Variants in ERBIN observed in about 807,000 individuals in gnomAD.
ERBIN encodes erbb2 interacting protein.
In ERBIN, 60 loss-of-function variants were observed where a neutral mutation model predicts 158.4. The ratio of observed to expected loss-of-function variants is 0.38; its 90% CI spans 0.31 to 0.47. The LOEUF (loss-of-function observed/expected upper bound fraction) is 0.47, where lower values mean the gene tolerates loss of function less well. Among genes scored for constraint, ERBIN ranks in the 20% least tolerant of loss-of-function variants. The pLI is 0.99. For missense variants in ERBIN, 1,610 were observed against 1,648.0 expected (o/e 0.98, Z 0.40); for synonymous variants, 594 against 557.2 (o/e 1.07, Z -0.93).
At chr5:66,062,504 G>C (rs982643716) in intron 21 of ERBIN, among the ~76,000 whole-genome samples, 1 of 151,868 alleles carries the variant, frequency 6.6e-6, no homozygotes, top group Admixed American at 6.5e-5. Context: ...CCTTTAGCTC[G>C]GAGTAGTTTG....
chr5:66,036,538 T>A (rs765643901), intron 14 of ERBIN, among the ~76,000 whole-genome samples: 1 of 152,198 alleles, frequency 6.6e-6, no homozygotes, highest in African/African-American at 2.4e-5. Flanking sequence ...GTAAGTGAAT[T>A]TCTCCTCCTG....
Position 66,053,889 on chromosome 5 carries a change from C to G in ERBIN, c.2571C>G (p.Ser857=), listed in dbSNP as rs1428916326. The G allele has an allele frequency of 6.2e-7, 1 of 1,614,000 alleles. No homozygotes were observed. Among genetic ancestry groups the G allele is most frequent in the Non-Finnish European group, 8.5e-7 (1 of 1,179,998 alleles). The change falls in exon 21 of 26, where the codon TCC becomes TCG. Residue 857 remains serine, a synonymous_variant. Transcript: ENST00000284037. Reference sequence around the variant, plus strand: ...TTTCCAAAAGCACTGAAGATCTCTCCCCTCAGAAAAGTGGTCCAGTTGGAT... The same window carrying G: ...TTTCCAAAAGCACTGAAGATCTCTCGCCTCAGAAAAGTGGTCCAGTTGGAT... The part of the protein sequence containing the change: ...LGISKSTEDL[S]PQKSGPVGSV...
chr5:65,958,983 G>A (rs1415572800), intron 1 of ERBIN, among the ~76,000 whole-genome samples: 1 of 151,986 alleles, frequency 6.6e-6, no homozygotes, highest in Non-Finnish European at 1.5e-5. Context: ...ATATTTCATC[G>A]GCATGTAACC....
intron 1 of ERBIN, among the ~76,000 whole-genome samples, chr5:65,975,156 T>A (rs1055019413): frequency 6.6e-6 from 1 of 150,814 alleles, no homozygotes; most frequent in Admixed American, 6.6e-5. Context: ...TACAGGCATG[T>A]GCCACGATGC....
intron 1 of ERBIN, among the ~76,000 whole-genome samples, chr5:65,972,580 A>G (rs562876899): frequency 6.6e-6 from 1 of 151,486 alleles, no homozygotes; most frequent in South Asian, 2.1e-4. Context: ...AGAAGCTTAA[A>G]TTTTTGTTTT....
rs1270451934 is a variant in ERBIN, at chr5:65,939,808, C to T, written c.-58+13002C>T. On this transcript the variant is annotated intron_variant, in intron 1 of 25. Coordinates refer to ENST00000284037, the MANE Select transcript of ERBIN (RefSeq NM_001253697.2). ...GAGTGATCCGCCAGCCTCGGCCTCC[C>T]GAGGTGCCGGGATTGCAGACGGAGT... Among the ~76,000 whole-genome samples, 387 of 148,504 alleles carry T rather than the reference C, an allele frequency of 2.6e-3. 2 individuals carry two copies. The highest frequency in any genetic ancestry group is 9.2e-3 in the African/African-American group (371 of 40,342).
In ERBIN at chr5:65,954,987, C is replaced by A. The variant is rs190347386; in HGVS notation, c.-58+28181C>A. Among the ~76,000 whole-genome samples, 212 of 152,174 alleles carry A rather than the reference C, an allele frequency of 1.4e-3. 1 individual carries two copies. The highest frequency in any genetic ancestry group is 5.0e-3 in the African/African-American group (206 of 41,520). On this transcript the variant is annotated intron_variant, in intron 1 of 25. Transcript: ENST00000284037. Reference sequence around the variant, plus strand: ...GGCTGAGGTAGTAGAATCGCTTGAACTCGGGAGGCGGAGGTTGCAGTGAGC... The same window carrying A: ...GGCTGAGGTAGTAGAATCGCTTGAAATCGGGAGGCGGAGGTTGCAGTGAGC...
intron 1 of ERBIN, among the ~76,000 whole-genome samples, chr5:65,977,662 C>T (rs1378950987): frequency 2.0e-5 from 3 of 150,834 alleles, no homozygotes. Context: ...AGACGCTCCT[C>T]ACTTTCCAGA....
At chr5:65,949,326 T>G (rs1195011016) in intron 1 of ERBIN, among the ~76,000 whole-genome samples, 1 of 152,184 alleles carries the variant, frequency 6.6e-6, no homozygotes, top group African/African-American at 2.4e-5. Context: ...CAGTCACATC[T>G]GTGCTATAAA....
chr5:66,018,904 G>A (rs565960776), intron 7 of ERBIN, among the ~76,000 whole-genome samples: 1 of 151,878 alleles, frequency 6.6e-6, no homozygotes. Flanking sequence ...CAAAGTGCTG[G>A]GATTACAGGC....
In ERBIN at chr5:66,077,086, A is replaced by G. The variant is rs533986287; in HGVS notation, c.4131+137A>G. 3,266 of 560,016 alleles carry G rather than the reference A, an allele frequency of 5.8e-3. 98 individuals are homozygous for G. In the African/African-American group the frequency reaches 0.059, roughly 10 times the overall value. 34.7% of individuals were successfully genotyped at this position (560,016 alleles called of 1,614,324 possible). A position where few individuals can be genotyped will look rare whatever the true frequency, so the allele number is the denominator to read the frequency against. ...GAATGGCGTGAACCCGGGAGGCGGC[A>G]CTTGCAGCGAGCCGAGATCGCGCCA... On this transcript the variant is annotated intron_variant, in intron 25 of 25. Coordinates refer to ENST00000284037, the MANE Select transcript of ERBIN (RefSeq NM_001253697.2).
intron 14 of ERBIN, among the ~76,000 whole-genome samples, chr5:66,037,388 C>T (rs1757499658): frequency 6.6e-6 from 1 of 152,120 alleles, no homozygotes; most frequent in Admixed American, 6.5e-5. Flanking sequence ...GCGCTACCCT[C>T]ACCTCCTGAC....
At chr5:66,050,726 G>C in intron 19 of ERBIN, 57 bp from the exon 20 acceptor site, 2 of 1,185,998 alleles carry the variant, frequency 1.7e-6, no homozygotes, top group Non-Finnish European at 2.3e-6. Flanking sequence ...TCACTGAAAA[G>C]AATTTCACAC....
At chr5:66,028,720 G>C (rs1756539413) in intron 14 of ERBIN, among the ~76,000 whole-genome samples, 1 of 152,114 alleles carries the variant, frequency 6.6e-6, no homozygotes, top group Non-Finnish European at 1.5e-5. Flanking sequence ...TAGTCACCAT[G>C]TTGTACAGTA....
intron 1 of ERBIN, among the ~76,000 whole-genome samples, chr5:65,970,755 ATTTTAT>A (rs539140544): frequency 1.3e-5 from 2 of 151,946 alleles, no homozygotes; most frequent in African/African-American, 2.4e-5. Flanking sequence ...TGCCTGGCTA[ATTTTAT>A]TTTTATTTTT....
At chr5:66,052,613 C>T (rs960545851) in intron 20 of ERBIN, among the ~76,000 whole-genome samples, 1 of 151,984 alleles carries the variant, frequency 6.6e-6, no homozygotes, top group Non-Finnish European at 1.5e-5. Flanking sequence ...TGCTGTATTT[C>T]TAGTAATGAA....
At chr5:65,990,392 A>T (rs946558994) in intron 2 of ERBIN, among the ~76,000 whole-genome samples, 1 of 151,266 alleles carries the variant, frequency 6.6e-6, no homozygotes, top group Non-Finnish European at 1.5e-5. Flanking sequence ...AAGTAGGCCG[A>T]GTGCAGTGGC....
intron 1 of ERBIN, among the ~76,000 whole-genome samples, chr5:65,949,560 A>C (rs1280726552): frequency 6.6e-6 from 1 of 152,242 alleles, no homozygotes; most frequent in African/African-American, 2.4e-5. Context: ...TTTCACAATA[A>C]GTTAAATAAC....
intron 16 of ERBIN, among the ~76,000 whole-genome samples, chr5:66,043,515 C>T (rs577853268): frequency 6.6e-6 from 1 of 152,150 alleles, no homozygotes. Flanking sequence ...AGCTGACTCT[C>T]CCCCCACCAT....
Sources: gnomAD v4.1 joint callset for allele counts (sites outside exome capture counted in the v4.1 genomes callset) on GRCh38, gnomAD v4.1.1 for gene constraint, MANE v1.5 for transcripts, NCBI Gene and HGNC (gene_info 2026-07-23, HGNC 2026-07-21) for gene names.